The following SFMBT2 variants were observed in gnomAD, a reference collection of about 807,000 sequenced individuals.
SFMBT2 encodes the protein Scm like with four mbt domains 2, also known as scm-like with four MBT domains protein 2.
SFMBT2 carries 38 observed loss-of-function variants against 110.1 expected under a neutral mutation model. The observed-to-expected ratio is 0.35, with a 90% confidence interval of 0.27 to 0.45. The LOEUF is 0.45. SFMBT2 is among the 20% of genes least tolerant of loss of function. The pLI, the probability that SFMBT2 is intolerant of heterozygous loss-of-function variation, is 1.00. For synonymous variants in SFMBT2, 425 were observed against 425.4 expected (o/e 1.00, Z 0.01); for missense variants, 1,011 against 1,094.9 (o/e 0.92, Z 1.08).
At chr10:7,358,054 G>A (rs1844576927) in intron 4 of SFMBT2, among the ~76,000 whole-genome samples, 1 of 151,972 alleles carries the variant, frequency 6.6e-6, no homozygotes, top group South Asian at 2.1e-4. Context: ...CATCAACATG[G>A]CCCTAGAACA....
chr10:7,225,420 G>T (rs79791058), intron 10 of SFMBT2, among the ~76,000 whole-genome samples: 2,335 of 152,234 alleles, frequency 0.015, 67 homozygotes, highest in African/African-American at 0.052. Flanking sequence ...CTCGTAATAC[G>T]CATTCCGTTA....
At chr10:7,317,543 A>G (rs2131922633) in intron 4 of SFMBT2, among the ~76,000 whole-genome samples, 1 of 146,688 alleles carries the variant, frequency 6.8e-6, no homozygotes, top group East Asian at 2.1e-4. Context: ...CAGGAGGCTG[A>G]GGGAGGAGAA....
intron 15 of SFMBT2, 37 bp downstream of exon 15, chr10:7,197,511 G>C: frequency 6.3e-7 from 1 of 1,597,132 alleles, no homozygotes; most frequent in Non-Finnish European, 8.6e-7. Flanking sequence ...AAAAAATCCT[G>C]TTAAAATAAG....
At chr10:7,393,771 T>C (rs1845846394) in intron 1 of SFMBT2, among the ~76,000 whole-genome samples, 1 of 152,186 alleles carries the variant, frequency 6.6e-6, no homozygotes. Flanking sequence ...GGAAGGGGCA[T>C]GCCTTTGCCC....
At chr10:7,402,112 TAAA>T (rs76629935) in intron 1 of SFMBT2, among the ~76,000 whole-genome samples, 1 of 125,458 alleles carries the variant, frequency 8.0e-6, no homozygotes, top group African/African-American at 3.0e-5. Flanking sequence ...TATTTAACAT[TAAA>T]AAAAAAAAAA....
intron 20 of SFMBT2, among the ~76,000 whole-genome samples, chr10:7,166,336 C>G (rs1837692072): frequency 6.6e-6 from 1 of 152,222 alleles, no homozygotes; most frequent in African/African-American, 2.4e-5. Flanking sequence ...GTAGCTCAGT[C>G]TTTAACATCT....
chr10:7,203,199 A>G (rs1320025109), intron 12 of SFMBT2: 7 of 819,736 alleles, frequency 8.5e-6, no homozygotes, highest in Non-Finnish European at 1.0e-5. Context: ...TAAAGCTGCT[A>G]GAGTCTGGCA....
chr10:7,380,968 G>A (rs1287386549), intron 2 of SFMBT2, among the ~76,000 whole-genome samples: 1 of 152,038 alleles, frequency 6.6e-6, no homozygotes, highest in African/African-American at 2.4e-5. Context: ...AAGATCACTT[G>A]GGCCCAAGAG....
rs921320810 is a variant in SFMBT2 at position 7,172,278 on chromosome 10, T to C, written c.2152-120A>G. The stretch of plus-strand genomic sequence containing the variant: ...AGCAAACCCTCGGAAATGGAGCCAG[T>C]GGTCCCACCCGTGGGCCCTACGAGG... On this transcript the variant is annotated intron_variant, in intron 18 of 20. Transcript: ENST00000397167. This position sits in a 1 kb window ranked among gnomAD's most constrained non-coding sequence, Gnocchi z 4.6. 10 of 1,455,336 alleles carry C rather than the reference T, an allele frequency of 6.9e-6. No individual in the cohort carries two copies. The highest frequency in any genetic ancestry group is 2.4e-4 in the Middle Eastern group (1 of 4,108). The allele number at this position is 1,455,336 out of a possible 1,614,324, so 90.2% of individuals were successfully genotyped here. A position where few individuals can be genotyped will look rare whatever the true frequency, so the allele number is the denominator to read the frequency against.
intron 4 of SFMBT2, among the ~76,000 whole-genome samples, chr10:7,287,763 A>G (rs969457449): frequency 2.0e-5 from 3 of 152,234 alleles, no homozygotes; most frequent in African/African-American, 7.2e-5. Context: ...AACCTAAAGC[A>G]GTGGAATTAC....
At chr10:7,207,725 C>T (rs1056080202) in intron 11 of SFMBT2, among the ~76,000 whole-genome samples, 6 of 152,190 alleles carry the variant, frequency 3.9e-5, no homozygotes, top group Admixed American at 1.3e-4. Flanking sequence ...CGAGCTCCAC[C>T]GGCTCTGACT....
intron 11 of SFMBT2, among the ~76,000 whole-genome samples, chr10:7,218,934 C>T (rs1399740993): frequency 6.6e-6 from 1 of 152,168 alleles, no homozygotes; most frequent in Non-Finnish European, 1.5e-5. Context: ...AATTAACAGT[C>T]ATAAAGCATG....
intron 8 of SFMBT2, chr10:7,246,110 C>A (rs1840600105): frequency 1.0e-6 from 1 of 976,040 alleles, no homozygotes; most frequent in Admixed American, 6.2e-5. Context: ...TACCCCAATC[C>A]ATGTGTTATA....
intron 1 of SFMBT2, among the ~76,000 whole-genome samples, chr10:7,384,398 CG>C: frequency 6.6e-6 from 1 of 152,060 alleles, no homozygotes; most frequent in South Asian, 2.1e-4. Flanking sequence ...TAAGAAAATA[CG>C]GTATCTACAG....
At chr10:7,350,689 AGAG>A (rs1844284601) in intron 4 of SFMBT2, among the ~76,000 whole-genome samples, 1 of 152,258 alleles carries the variant, frequency 6.6e-6, no homozygotes, top group Non-Finnish European at 1.5e-5. Context: ...ATGACAAAGA[AGAG>A]AAGAGTTCTA....
At chr10:7,191,016 TG>T (rs1169639365) in intron 15 of SFMBT2, among the ~76,000 whole-genome samples, 26 of 152,226 alleles carry the variant, frequency 1.7e-4, no homozygotes, top group African/African-American at 6.0e-4. Context: ...TCTCGTCTGC[TG>T]CCATGTAAGA....
chr10:7,292,195 T>G (rs1408880008), intron 4 of SFMBT2: 2 of 235,850 alleles, frequency 8.5e-6, no homozygotes, highest in African/African-American at 4.6e-5. Flanking sequence ...GAACCGAGCC[T>G]TCTCAACCAG....
chr10:7,274,310 AC>A (rs925294537), intron 7 of SFMBT2, among the ~76,000 whole-genome samples: 11 of 152,126 alleles, frequency 7.2e-5, no homozygotes, highest in African/African-American at 2.4e-4. Flanking sequence ...ACACAGTGAG[AC>A]CCCATCTGTA....
Position 7,243,551 on chromosome 10 carries a change from T to C in SFMBT2, c.1120+7A>G. On this transcript the variant is annotated splice_region_variant and intron_variant, in intron 9 of 20. Transcript: ENST00000397167. ...CCAGACCCTGCATACCTTCACAGAA[T>C]ACAAACCTTTGGGAGGAGTGAGGCT... 1.1e-6 allele frequency: 1 copy of C among 872,686 alleles called. No individual in the cohort carries two copies. Among genetic ancestry groups the C allele is most frequent in the Non-Finnish European group, 2.0e-6 (1 of 501,592 alleles). 54.1% of individuals were successfully genotyped at this position (872,686 alleles called of 1,614,324 possible). A position where few individuals can be genotyped will look rare whatever the true frequency, so the allele number is the denominator to read the frequency against.
Sources: gnomAD v4.1 joint callset for allele counts (sites outside exome capture counted in the v4.1 genomes callset) on GRCh38, gnomAD v4.1.1 for gene constraint, Gnocchi (gnomAD v3.1) non-coding constraint, MANE v1.5 for transcripts, NCBI Gene and HGNC (gene_info 2026-07-23, HGNC 2026-07-21) for gene names.